Variants in NAV2 observed in about 807,000 individuals in gnomAD.
NAV2 encodes the protein helicase, APC down-regulated 1.
A neutral mutation model predicts 223.2 loss-of-function variants in NAV2; 54 were observed. The observed-to-expected ratio is 0.24, with a 90% CI of 0.19 to 0.30. The LOEUF is 0.30. Ranked by LOEUF, NAV2 falls within the 10% of genes least tolerant of loss-of-function variation. The pLI, the probability that NAV2 is intolerant of heterozygous loss-of-function variation, is 1.00. For missense variants in NAV2, 2,806 were observed against 3,147.5 expected (o/e 0.89, Z 2.60); for synonymous variants, 1,279 against 1,239.3 (o/e 1.03, Z -0.67).
At chr11:20,005,045 C>T (rs1049443083) in intron 11 of NAV2, among the ~76,000 whole-genome samples, 1 of 151,984 alleles carries the variant, frequency 6.6e-6, no homozygotes, top group Non-Finnish European at 1.5e-5. Context: ...GAAGTTTAAG[C>T]TCCAAGGCAG....
chr11:19,548,786 G>A (rs567773939), intron 1 of NAV2, among the ~76,000 whole-genome samples: 9 of 150,924 alleles, frequency 6.0e-5, no homozygotes, highest in African/African-American at 1.7e-4. Context: ...GTTGAGGCAG[G>A]AGAATGGCGT....
At chr11:20,022,382 A>G (rs2054583360) in intron 11 of NAV2, among the ~76,000 whole-genome samples, 1 of 151,964 alleles carries the variant, frequency 6.6e-6, no homozygotes, top group Non-Finnish European at 1.5e-5. Flanking sequence ...TAATGTAGCC[A>G]TGCCTAGACT....
chr11:20,094,186 C>G (rs2061064527), intron 29 of NAV2, among the ~76,000 whole-genome samples: 1 of 149,508 alleles, frequency 6.7e-6, no homozygotes, highest in Non-Finnish European at 1.5e-5. Context: ...AAGTGATGGA[C>G]TGTTAGGGGA....
intron 1 of NAV2, among the ~76,000 whole-genome samples, chr11:19,662,440 G>A (rs186102427): frequency 1.3e-5 from 2 of 152,322 alleles, no homozygotes; most frequent in Admixed American, 6.5e-5. Flanking sequence ...GGTTGGCAAG[G>A]TTCATAGCAT....
At chr11:19,997,387 T>C (rs890071230) in intron 11 of NAV2, among the ~76,000 whole-genome samples, 1 of 152,120 alleles carries the variant, frequency 6.6e-6, no homozygotes, top group Non-Finnish European at 1.5e-5. Flanking sequence ...TCATGAGAGC[T>C]CTGGGTACAC....
intron 1 of NAV2, among the ~76,000 whole-genome samples, chr11:19,555,578 A>G (rs2044856773): frequency 6.6e-6 from 1 of 152,192 alleles, no homozygotes; most frequent in African/African-American, 2.4e-5. Context: ...TCAATGTTCA[A>G]GTTTTATTAG....
At chr11:19,938,102 A>G (rs2046071771) in intron 7 of NAV2, among the ~76,000 whole-genome samples, 3 of 152,214 alleles carry the variant, frequency 2.0e-5, no homozygotes, top group Admixed American at 2.0e-4. Flanking sequence ...TGGGTGCAGC[A>G]TAGTAGAGTT....
At chr11:19,692,593 C>T (rs1340031033) in intron 1 of NAV2, among the ~76,000 whole-genome samples, 2 of 152,140 alleles carry the variant, frequency 1.3e-5, no homozygotes, top group Non-Finnish European at 2.9e-5. Flanking sequence ...TTTTTCCTAC[C>T]TTAGTAAGTA....
intron 9 of NAV2, 22 bp downstream of exon 9, chr11:19,946,531 T>G (rs1435447944): frequency 6.3e-7 from 1 of 1,586,096 alleles, no homozygotes; most frequent in Non-Finnish European, 8.6e-7. Context: ...GTGAATTACT[T>G]TACTGAACTA....
chr11:19,782,909 G>T (rs1471430937), intron 1 of NAV2, among the ~76,000 whole-genome samples: 28 of 152,182 alleles, frequency 1.8e-4, no homozygotes, highest in Admixed American at 1.8e-3. Flanking sequence ...TGTAGTCGAG[G>T]ATTGCCCTTG....
At chr11:19,568,754 CAA>C (rs2045343281) in intron 1 of NAV2, among the ~76,000 whole-genome samples, 1 of 152,116 alleles carries the variant, frequency 6.6e-6, no homozygotes, top group Admixed American at 6.5e-5. Context: ...TCTCAGAACC[CAA>C]GTCTGTGCTG....
At chr11:19,572,500 A>G (rs535329141) in intron 1 of NAV2, among the ~76,000 whole-genome samples, 2 of 152,322 alleles carry the variant, frequency 1.3e-5, no homozygotes, top group South Asian at 4.1e-4. Context: ...GCAAAAGATT[A>G]AACAGGAAGC....
intron 2 of NAV2, among the ~76,000 whole-genome samples, chr11:19,839,183 A>C (rs1465798473): frequency 6.6e-6 from 1 of 152,164 alleles, no homozygotes; most frequent in East Asian, 1.9e-4. Flanking sequence ...CTGCCAGCCC[A>C]TCACAGTGGC....
At chr11:19,358,567 A>T (rs886389694) in intron 1 of NAV2, among the ~76,000 whole-genome samples, 1 of 152,200 alleles carries the variant, frequency 6.6e-6, no homozygotes, top group African/African-American at 2.4e-5. Context: ...GGTCACAGTG[A>T]GACTTGAGGG....
chr11:19,973,000 G>T (rs2049383204), intron 10 of NAV2, among the ~76,000 whole-genome samples: 1 of 152,180 alleles, frequency 6.6e-6, no homozygotes, highest in Non-Finnish European at 1.5e-5. Flanking sequence ...GAGGTTGAAT[G>T]ATGTTCCCAA....
chr11:19,800,966 C>T (rs2058217043), intron 1 of NAV2, among the ~76,000 whole-genome samples: 1 of 152,162 alleles, frequency 6.6e-6, no homozygotes, highest in Admixed American at 6.5e-5. Context: ...TTAATTAGTT[C>T]CTGATAAGTT....
intron 8 of NAV2, among the ~76,000 whole-genome samples, chr11:19,941,817 G>A (rs2585772): frequency 0.015 from 2,214 of 152,242 alleles, 57 homozygotes; most frequent in African/African-American, 0.049. Flanking sequence ...GACGGCTTCA[G>A]CAGTTAATGG....
At chr11:19,610,629 G>T (rs1844275340) in intron 1 of NAV2, among the ~76,000 whole-genome samples, 3 of 152,172 alleles carry the variant, frequency 2.0e-5, no homozygotes, top group Admixed American at 1.3e-4. Context: ...GAAGTCTAGA[G>T]GTCAATCAGC....
chr11:20,115,138 C>T (rs569912176), intron 37 of NAV2, among the ~76,000 whole-genome samples: 17 of 126,602 alleles, frequency 1.3e-4, no homozygotes, highest in Admixed American at 5.0e-4. Flanking sequence ...TCTCTCCTAC[C>T]GATAGCAGAG....
Sources: allele counts gnomAD v4.1 joint callset (sites outside exome capture counted in the v4.1 genomes callset), GRCh38; gene constraint gnomAD v4.1.1; transcripts MANE v1.5; gene names NCBI Gene and HGNC (gene_info 2026-07-23, HGNC 2026-07-21).